The following TRIT1 variants were observed in gnomAD, a reference collection of about 807,000 sequenced individuals.
TRIT1 encodes tRNA isopentenyltransferase 1.
In TRIT1, 43 loss-of-function variants were observed where a neutral mutation model predicts 51.2. The observed-to-expected ratio is 0.84, with a 90% CI of 0.66 to 1.08. The LOEUF is 1.08. Among genes scored for constraint, TRIT1 ranks in the 50% least tolerant of loss-of-function variants. The pLI, the probability that TRIT1 is intolerant of heterozygous loss-of-function variation, is 0.00. For synonymous variants in TRIT1, 184 were observed against 203.9 expected (o/e 0.90, Z 0.83); for missense variants, 528 against 578.4 (o/e 0.91, Z 0.89).
At chr1:39,859,028 G>A (rs770277490) in intron 1 of TRIT1, among the ~76,000 whole-genome samples, 3 of 151,924 alleles carry the variant, frequency 2.0e-5, no homozygotes, top group Non-Finnish European at 4.4e-5. Flanking sequence ...CAAGGCAGGC[G>A]GATCACGATG....
chr1:39,843,939 C>T (rs1642069321), intron 10 of TRIT1, among the ~76,000 whole-genome samples, 162 bp downstream of exon 10: 1 of 152,208 alleles, frequency 6.6e-6, no homozygotes, highest in African/African-American at 2.4e-5. Flanking sequence ...AGACAAATTC[C>T]CAGAAGCCTC....
At chr1:39,852,461 C>A in intron 4 of TRIT1, 1 of 357,810 alleles carries the variant, frequency 2.8e-6, no homozygotes, top group Non-Finnish European at 5.0e-6. Context: ...AAGCAAAGAT[C>A]AAATAGAAAA....
rs759988624 is a variant in TRIT1 at position 39,874,147 on chromosome 1, C to G, written c.174+9171G>C. Among the ~76,000 whole-genome samples the G allele has an allele frequency of 5.3e-5, 8 of 152,130 alleles. 1 individual carries two copies. Among genetic ancestry groups the G allele is most frequent in the Admixed American group, 5.2e-4 (8 of 15,272 alleles). ...GAGTTTGAAACCAGCCTGGGTAACA[C>G]AGTAAGACCGTGTCTCAATCAATCA... On this transcript the variant is annotated intron_variant, in intron 1 of 10. Transcript: ENST00000316891.
At chr1:39,869,519 C>T (rs1415453390) in intron 1 of TRIT1, among the ~76,000 whole-genome samples, 3 of 152,178 alleles carry the variant, frequency 2.0e-5, no homozygotes, top group African/African-American at 4.8e-5. Flanking sequence ...TCTGCCCGGC[C>T]GCCACCCCGT....
At chr1:39,846,926 G>C (rs112913641) in intron 8 of TRIT1, 43 of 275,052 alleles carry the variant, frequency 1.6e-4, no homozygotes, top group African/African-American at 7.9e-4. Flanking sequence ...CTAAAAATCA[G>C]CCCTGAACAC....
chr1:39,847,345 C>CTAGATGTT, intron 7 of TRIT1, 48 bp from the exon 8 acceptor site: 1 of 1,582,826 alleles, frequency 6.3e-7, no homozygotes, highest in Non-Finnish European at 8.7e-7. Context: ...CACTCCTTAC[C>CTAGATGTT]CTGCAGAGAG....
At position 39,839,724 on chromosome 1, in the gene TRIT1, G is replaced by C. The variant is rs1352418566; in HGVS notation, c.*2020C>G. 1.3e-5 allele frequency among the ~76,000 whole-genome samples: 2 copies of C among 152,100 alleles called. No homozygotes were observed. The highest frequency in any genetic ancestry group is 2.4e-5 in the African/African-American group (1 of 41,400). ...CTTAGTAAGTGCTTCATAAATATTAGACACTTTTTTTTTGGTAAAAAAGGC... is the reference window on the plus strand; with the variant it reads ...CTTAGTAAGTGCTTCATAAATATTACACACTTTTTTTTTGGTAAAAAAGGC... On this transcript the variant is annotated 3_prime_UTR_variant, in exon 11 of 11. Coordinates refer to ENST00000316891, the MANE Select transcript of TRIT1 (RefSeq NM_017646.6).
intron 7 of TRIT1, 40 bp from the exon 8 acceptor site, chr1:39,847,337 C>G: frequency 2.5e-6 from 4 of 1,569,320 alleles, no homozygotes; most frequent in Non-Finnish European, 3.5e-6. Context: ...TAGGTAAGCA[C>G]TCCTTACCCT....
At chr1:39,849,901 C>T (rs2124596683) in intron 5 of TRIT1, among the ~76,000 whole-genome samples, 1 of 152,322 alleles carries the variant, frequency 6.6e-6, no homozygotes, top group Non-Finnish European at 1.5e-5. Context: ...ATGTCTTCTC[C>T]TAATGCCAGG....
rs1033289422 is a variant in TRIT1 at position 39,848,233 on chromosome 1, T to G, written c.704-136A>C. On this transcript the variant is annotated intron_variant, in intron 5 of 10. Coordinates refer to ENST00000316891, the MANE Select transcript of TRIT1 (RefSeq NM_017646.6). ...GAAAGAATTCAGATTCCAAAGATTA[T>G]TATAATAATTCATACGTTACTCACA... The G allele has an allele frequency of 1.5e-4, 99 of 648,866 alleles. No homozygotes were observed. The African/African-American group carries it at 1.8e-3, about 11-fold the overall frequency. 40.2% of individuals were successfully genotyped at this position (648,866 alleles called of 1,614,324 possible).
chr1:39,847,120 G>A, intron 8 of TRIT1, 100 bp downstream of exon 8: 2 of 943,260 alleles, frequency 2.1e-6, no homozygotes, highest in Non-Finnish European at 3.3e-6. Flanking sequence ...CAAAATCTTA[G>A]AACAGGCCCA....
rs370199663 is a variant in TRIT1, at chr1:39,861,406, C to T, written c.175-3989G>A. Among the ~76,000 whole-genome samples, 529 of 152,198 alleles carry T rather than the reference C, an allele frequency of 3.5e-3. 1 individual carries two copies. Among genetic ancestry groups the T allele is most frequent in the African/African-American group, 0.012 (484 of 41,536 alleles). On this transcript the variant is annotated intron_variant, in intron 1 of 10. Coordinates refer to ENST00000316891, the MANE Select transcript of TRIT1 (RefSeq NM_017646.6). The stretch of plus-strand genomic sequence containing the variant: ...CTGGAAGAAAAACAATATGGCAGTT[C>T]CTCAAAAAATAAAACAGAATTAACA...
chr1:39,847,148 T>C, intron 8 of TRIT1, 72 bp downstream of exon 8: 1 of 1,279,870 alleles, frequency 7.8e-7, no homozygotes, highest in East Asian at 2.3e-5. Flanking sequence ...AAATTCATTT[T>C]CTGGGTGAGC....
Position 39,857,268 on chromosome 1 carries a change from T to C in TRIT1, c.315+9A>G. On this transcript the variant is annotated intron_variant, in intron 2 of 10. Transcript: ENST00000316891. ...CACCAAACCCAGCTGCTGCCTTTCC[T>C]AAGGATATCAGAGCAGTTGCTCTAT... 1 of 1,602,202 alleles carries C rather than the reference T, an allele frequency of 6.2e-7. No individual in the cohort carries two copies. The highest frequency in any genetic ancestry group is 8.5e-7 in the Non-Finnish European group (1 of 1,172,976).
At chr1:39,872,750 TAAAC>T (rs1643915919) in intron 1 of TRIT1, among the ~76,000 whole-genome samples, 1 of 67,938 alleles carries the variant, frequency 1.5e-5, no homozygotes, top group South Asian at 4.8e-4. Flanking sequence ...CAGGAAGTAC[TAAAC>T]ACACACACAC....
At chr1:39,865,681 A>AG (rs1244805337) in intron 1 of TRIT1, among the ~76,000 whole-genome samples, 10 of 148,234 alleles carry the variant, frequency 6.7e-5, no homozygotes, top group African/African-American at 2.5e-4. Context: ...CAAAAAAAAA[A>AG]AAAAAAAAAG....
At chr1:39,854,198 T>A in intron 2 of TRIT1, 130 bp from the exon 3 acceptor site, 1 of 636,028 alleles carries the variant, frequency 1.6e-6, no homozygotes, top group Non-Finnish European at 2.7e-6. Context: ...AATGCGTTGA[T>A]ACCAGCCCTC....
rs769567931 is a variant in TRIT1, at chr1:39,852,717, C to A, written c.560+14G>T. 2.5e-6 allele frequency: 4 copies of A among 1,612,146 alleles called. No homozygotes were observed. The highest frequency in any genetic ancestry group is 3.4e-6 in the Non-Finnish European group (4 of 1,179,220). On this transcript the variant is annotated intron_variant, in intron 4 of 10. Transcript: ENST00000316891. ...TGTAAAGGAATTTGGGGTCAGCGCGCCAGGCTTTCTTACCTGGCCACTTTG... is the reference window on the plus strand; with the variant it reads ...TGTAAAGGAATTTGGGGTCAGCGCGACAGGCTTTCTTACCTGGCCACTTTG...
At chr1:39,881,679 T>G (rs547007134) in intron 1 of TRIT1, 111 of 152,330 alleles carry the variant, frequency 7.3e-4, no homozygotes, top group African/African-American at 2.6e-3. Context: ...TGGACCAGCT[T>G]CATGTTCTTT....
Sources: allele counts gnomAD v4.1 joint callset (sites outside exome capture counted in the v4.1 genomes callset), GRCh38; gene constraint gnomAD v4.1.1; transcripts MANE v1.5; gene names NCBI Gene and HGNC (gene_info 2026-07-23, HGNC 2026-07-21).